The following LRBA variants were observed in gnomAD, a reference collection of about 807,000 sequenced individuals.
LRBA encodes the protein LPS responsive beige-like anchor protein.
A neutral mutation model predicts 330.0 loss-of-function variants in LRBA; 176 were observed. The ratio of observed to expected loss-of-function variants is 0.53; its 90% CI spans 0.47 to 0.60. The LOEUF (loss-of-function observed/expected upper bound fraction) is 0.60, where lower values mean the gene tolerates loss of function less well. Among genes scored for constraint, LRBA ranks in the 20% least tolerant of loss-of-function variants. The pLI is 0.00. For missense variants in LRBA, 3,259 were observed against 3,444.8 expected (o/e 0.95, Z 1.35); for synonymous variants, 1,230 against 1,193.0 (o/e 1.03, Z -0.64).
At chr4:150,704,478 A>T (rs1168242113) in intron 36 of LRBA, among the ~76,000 whole-genome samples, 1 of 152,108 alleles carries the variant, frequency 6.6e-6, no homozygotes, top group East Asian at 1.9e-4. Flanking sequence ...CACTGATCTA[A>T]ATCAAATTTT....
intron 2 of LRBA, among the ~76,000 whole-genome samples, chr4:150,955,421 G>A (rs1334097457): frequency 2.7e-5 from 4 of 149,100 alleles, no homozygotes; most frequent in Non-Finnish European, 5.9e-5. Context: ...ATAGAAGAAA[G>A]ATACTAAATC....
chr4:150,374,987 T>G (rs1370737588), intron 47 of LRBA, among the ~76,000 whole-genome samples: 1 of 152,172 alleles, frequency 6.6e-6, no homozygotes, highest in Non-Finnish European at 1.5e-5. Flanking sequence ...AAAGGTTCTA[T>G]TCACAAAAAG....
intron 37 of LRBA, among the ~76,000 whole-genome samples, chr4:150,680,414 C>T (rs956037877): frequency 1.3e-5 from 2 of 152,188 alleles, no homozygotes; most frequent in Non-Finnish European, 2.9e-5. Flanking sequence ...TATTAAGACA[C>T]AAATTGCATT....
At chr4:150,763,450 C>T (rs774890493) in intron 34 of LRBA, among the ~76,000 whole-genome samples, 6 of 151,884 alleles carry the variant, frequency 4.0e-5, no homozygotes, top group Admixed American at 6.6e-5. Context: ...AACTGTAAAA[C>T]AGGGATACTA....
At chr4:150,981,079 C>G (rs1457118152) in intron 2 of LRBA, among the ~76,000 whole-genome samples, 1 of 151,618 alleles carries the variant, frequency 6.6e-6, no homozygotes, top group Non-Finnish European at 1.5e-5. Context: ...AATGCAATCC[C>G]TATCAAAATA....
chr4:150,792,288 A>G (rs946590720), intron 34 of LRBA, among the ~76,000 whole-genome samples: 1 of 151,936 alleles, frequency 6.6e-6, no homozygotes, highest in Non-Finnish European at 1.5e-5. Flanking sequence ...ATAAATTTCT[A>G]TTTATATTAA....
chr4:150,884,442 A>G (rs1173637903), intron 17 of LRBA, among the ~76,000 whole-genome samples: 5 of 152,242 alleles, frequency 3.3e-5, no homozygotes, highest in Admixed American at 3.3e-4. Context: ...GAGAGACTAG[A>G]TAAGTAGCCA....
chr4:151,009,959 G>A (rs1210938122), intron 2 of LRBA, among the ~76,000 whole-genome samples: 1 of 151,976 alleles, frequency 6.6e-6, no homozygotes, highest in African/African-American at 2.4e-5. Flanking sequence ...CAGCATGGGG[G>A]ACAGAGTGAG....
intron 2 of LRBA, among the ~76,000 whole-genome samples, chr4:150,963,306 C>A (rs1368280972): frequency 6.7e-6 from 1 of 149,232 alleles, no homozygotes; most frequent in Non-Finnish European, 1.5e-5. Context: ...CTGCCTCAGC[C>A]TGCCGAGTGC....
chr4:150,699,493 T>C (rs184368074), intron 36 of LRBA, among the ~76,000 whole-genome samples: 99 of 152,248 alleles, frequency 6.5e-4, no homozygotes, highest in Non-Finnish European at 1.1e-3. Flanking sequence ...GATACAACTC[T>C]ATCCAGCAAT....
intron 37 of LRBA, among the ~76,000 whole-genome samples, chr4:150,635,187 C>T (rs1431057160): frequency 6.6e-6 from 1 of 152,120 alleles, no homozygotes; most frequent in African/African-American, 2.4e-5. Context: ...AAATTCTGCT[C>T]CTAGATTCTA....
At chr4:150,730,749 G>A (rs1730342604) in intron 36 of LRBA, among the ~76,000 whole-genome samples, 1 of 151,660 alleles carries the variant, frequency 6.6e-6, no homozygotes, top group South Asian at 2.1e-4. Context: ...CAGGCACTGT[G>A]ACTCACACCT....
At chr4:150,727,785 C>A (rs1729902370) in intron 36 of LRBA, among the ~76,000 whole-genome samples, 1 of 151,382 alleles carries the variant, frequency 6.6e-6, no homozygotes. Flanking sequence ...AAATAAATAA[C>A]CTAATAATGC....
chr4:150,561,373 T>C (rs998246261), intron 40 of LRBA, among the ~76,000 whole-genome samples: 6 of 152,204 alleles, frequency 3.9e-5, no homozygotes, highest in African/African-American at 9.6e-5. Flanking sequence ...TTCATGAATA[T>C]GTTATTAATA....
rs927023376 is a variant in LRBA, at chr4:150,839,353, C to G, written c.4569+4747G>C. ...GCGATTCCTCAGGGATCTAGAACTA[C>G]AAATACCATTTGGCCCAGCCATCCC... On this transcript the variant is annotated intron_variant, in intron 28 of 56. Transcript: ENST00000651943. Among the ~76,000 whole-genome samples the G allele has an allele frequency of 8.5e-5, 13 of 152,102 alleles. 1 individual carries two copies. The highest frequency in any genetic ancestry group is 2.0e-4 in the Admixed American group (3 of 15,252).
At chr4:150,377,877 C>T (rs1282550407) in intron 47 of LRBA, among the ~76,000 whole-genome samples, 1 of 150,560 alleles carries the variant, frequency 6.6e-6, no homozygotes, top group Non-Finnish European at 1.5e-5. Flanking sequence ...ATCCCAGCTA[C>T]TTGGGAGGCT....
Position 150,415,605 on chromosome 4 carries a change from A to G in LRBA, c.7042-15T>C. 6.8e-7 allele frequency: 1 copy of G among 1,470,664 alleles called. No individual in the cohort carries two copies. Among genetic ancestry groups the G allele is most frequent in the Non-Finnish European group, 9.5e-7 (1 of 1,053,692 alleles). The allele number at this position is 1,470,664 out of a possible 1,614,324, so 91.1% of individuals were successfully genotyped here. A position where few individuals can be genotyped will look rare whatever the true frequency, so the allele number is the denominator to read the frequency against. ...GGGATCAACTCCTATATAAAAATAA[A>G]AGACAATGTGATATTATAAACTGTA... On this transcript the variant is annotated splice_polypyrimidine_tract_variant and intron_variant, in intron 46 of 56. Coordinates refer to ENST00000651943, the MANE Select transcript of LRBA (RefSeq NM_001364905.1).
chr4:150,468,911 C>T (rs920388000), intron 43 of LRBA, among the ~76,000 whole-genome samples: 6 of 151,556 alleles, frequency 4.0e-5, no homozygotes, highest in Non-Finnish European at 8.8e-5. Context: ...TTTGGCTGAC[C>T]TGGAACAGTC....
chr4:150,278,099 T>G, intron 55 of LRBA, 95 bp from the exon 56 acceptor site: 1 of 1,041,668 alleles, frequency 9.6e-7, no homozygotes, highest in Non-Finnish European at 1.4e-6. Context: ...GCTACTACGG[T>G]GCAGAGAGAA....
Sources: allele counts gnomAD v4.1 joint callset (sites outside exome capture counted in the v4.1 genomes callset), GRCh38; gene constraint gnomAD v4.1.1; transcripts MANE v1.5; gene names NCBI Gene and HGNC (gene_info 2026-07-23, HGNC 2026-07-21).